The following PARN variants were observed in gnomAD, a reference collection of about 807,000 sequenced individuals.
PARN encodes poly(A)-specific ribonuclease PARN.
PARN carries 71 observed loss-of-function variants against 102.8 expected under a neutral mutation model. The ratio of observed to expected loss-of-function variants is 0.69; its 90% CI spans 0.57 to 0.84. The LOEUF is 0.84. Among genes scored for constraint, PARN ranks in the 40% least tolerant of loss-of-function variants. The pLI, the probability that PARN is intolerant of heterozygous loss-of-function variation, is 0.00. For synonymous variants in PARN, 261 were observed against 252.9 expected (o/e 1.03, Z -0.30); for missense variants, 782 against 760.9 (o/e 1.03, Z -0.33).
rs558597437 is a variant in PARN at position 14,497,735 on chromosome 16, G to A, written c.1481-14908C>T. ...TGTATAAGCTAATATAGGAGCTGCT[G>A]GGCTGCACTATTTACACTTTCATTA... On this transcript the variant is annotated intron_variant, in intron 21 of 23. Transcript: ENST00000437198. Among the ~76,000 whole-genome samples the A allele has an allele frequency of 1.5e-4, 22 of 149,258 alleles. No homozygotes were observed. The South Asian group carries it at 4.6e-3, about 31-fold the overall frequency.
intron 12 of PARN, among the ~76,000 whole-genome samples, chr16:14,595,943 G>T (rs1455468139): frequency 1.3e-5 from 2 of 152,084 alleles, no homozygotes; most frequent in African/African-American, 4.8e-5. Flanking sequence ...GGATTACAGG[G>T]TTGAGCCACC....
chr16:14,539,029 A>T (rs1966738527), intron 21 of PARN, among the ~76,000 whole-genome samples: 1 of 152,172 alleles, frequency 6.6e-6, no homozygotes, highest in Admixed American at 6.5e-5. Flanking sequence ...GCTCCCAATG[A>T]TTCTACATTA....
chr16:14,474,212 C>G (rs1962914280), intron 22 of PARN, among the ~76,000 whole-genome samples: 1 of 152,000 alleles, frequency 6.6e-6, no homozygotes, highest in African/African-American at 2.4e-5. Context: ...GTCATGTTGC[C>G]CAGGCTGGTC....
At position 14,502,422 on chromosome 16, in the gene PARN, T is replaced by G. The variant is rs569538388; in HGVS notation, c.1481-19595A>C. 3.9e-5 allele frequency among the ~76,000 whole-genome samples: 6 copies of G among 152,260 alleles called. No individual in the cohort carries two copies. The South Asian group carries it at 1.2e-3, about 32-fold the overall frequency. On this transcript the variant is annotated intron_variant, in intron 21 of 23. Coordinates refer to ENST00000437198, the MANE Select transcript of PARN (RefSeq NM_002582.4). ...AGCACCATGTTATTAAACACACATG[T>G]ACACACATGTGTGAACACACATGGT...
rs1967331642 is a variant in PARN, at chr16:14,551,955, A to G, written c.1480+66T>C. 8.3e-6 allele frequency: 8 copies of G among 966,620 alleles called. No individual in the cohort carries two copies. The South Asian group carries it at 1.1e-4, about 13-fold the overall frequency. 59.9% of individuals were successfully genotyped at this position (966,620 alleles called of 1,614,324 possible). A position where few individuals can be genotyped will look rare whatever the true frequency, so the allele number is the denominator to read the frequency against. ...GACTGAGCCCATAGCTTTTAAATTA[A>G]GGGGGCAGTGGGAGGGCAACCTCTC... On this transcript the variant is annotated intron_variant, in intron 21 of 23. Coordinates refer to ENST00000437198, the MANE Select transcript of PARN (RefSeq NM_002582.4).
chr16:14,447,531 T>C (rs1220208983), intron 22 of PARN, among the ~76,000 whole-genome samples: 1 of 152,260 alleles, frequency 6.6e-6, no homozygotes, highest in Non-Finnish European at 1.5e-5. Context: ...CAGTCTGCTA[T>C]CCCACTGCTT....
intron 23 of PARN, among the ~76,000 whole-genome samples, chr16:14,442,397 A>C (rs1388303760): frequency 2.0e-5 from 3 of 152,172 alleles, no homozygotes; most frequent in Non-Finnish European, 4.4e-5. Context: ...TGTACCTAGA[A>C]CTGCTTGGAT....
At chr16:14,566,193 T>C (rs1347170510) in intron 18 of PARN, among the ~76,000 whole-genome samples, 1 of 152,186 alleles carries the variant, frequency 6.6e-6, no homozygotes, top group Non-Finnish European at 1.5e-5. Flanking sequence ...TTAGTAGATG[T>C]TATTATATTA....
At chr16:14,622,708 G>A (rs58204373) in intron 5 of PARN, among the ~76,000 whole-genome samples, 3 of 152,156 alleles carry the variant, frequency 2.0e-5, no homozygotes, top group Admixed American at 6.5e-5. Flanking sequence ...GGGTTTCACC[G>A]TGTTAGCCAG....
chr16:14,587,953 A>G (rs1017171695), intron 13 of PARN, among the ~76,000 whole-genome samples: 1 of 152,254 alleles, frequency 6.6e-6, no homozygotes, highest in African/African-American at 2.4e-5. Context: ...GTGTTATGTT[A>G]CGCACTTACA....
intron 13 of PARN, chr16:14,592,095 T>C (rs568475949): frequency 2.0e-5 from 3 of 151,746 alleles, no homozygotes; most frequent in Non-Finnish European, 4.4e-5. Context: ...CGTCAGAATT[T>C]TGGAAATGAC....
At chr16:14,475,997 G>A (rs1963027199) in intron 22 of PARN, among the ~76,000 whole-genome samples, 1 of 152,182 alleles carries the variant, frequency 6.6e-6, no homozygotes, top group African/African-American at 2.4e-5. Context: ...GAAATATACT[G>A]TTAAGAGTCT....
chr16:14,630,223 C>A lies in PARN; in HGVS notation c.-98G>T. The A allele has an allele frequency of 1.8e-6, 2 of 1,112,938 alleles. No individual in the cohort carries two copies. The highest frequency in any genetic ancestry group is 1.4e-5 in the South Asian group (1 of 70,014). 68.9% of individuals were successfully genotyped at this position (1,112,938 alleles called of 1,614,324 possible). On this transcript the variant is annotated 5_prime_UTR_variant, in exon 1 of 24. Transcript: ENST00000437198. Reference sequence around the variant, plus strand: ...GCGGCGACTGCGGCAGTAGCTGAGGCAGCCGCAGCGGTGACGCCGGCCGCG... The same window carrying A: ...GCGGCGACTGCGGCAGTAGCTGAGGAAGCCGCAGCGGTGACGCCGGCCGCG...
intron 7 of PARN, among the ~76,000 whole-genome samples, chr16:14,610,016 A>G (rs1212512710): frequency 6.6e-6 from 1 of 152,152 alleles, no homozygotes; most frequent in Non-Finnish European, 1.5e-5. Context: ...GTTTGACACC[A>G]GCCTGGGAAA....
chr16:14,502,694 C>T (rs970056920), intron 21 of PARN, among the ~76,000 whole-genome samples: 1 of 152,198 alleles, frequency 6.6e-6, no homozygotes, highest in South Asian at 2.1e-4. Flanking sequence ...AGCAAATATA[C>T]GATCTAAGCC....
intron 18 of PARN, among the ~76,000 whole-genome samples, chr16:14,563,938 T>C (rs1968267216): frequency 6.6e-6 from 1 of 152,196 alleles, no homozygotes; most frequent in Admixed American, 6.5e-5. Flanking sequence ...TATCATGGCC[T>C]GTTCAGCCTC....
intron 21 of PARN, among the ~76,000 whole-genome samples, chr16:14,514,687 A>T (rs546015179): frequency 1.6e-4 from 25 of 152,348 alleles, no homozygotes; most frequent in African/African-American, 5.8e-4. Flanking sequence ...AGGTTACCTT[A>T]TGGCTATGAA....
chr16:14,544,768 G>C (rs1359178025), intron 21 of PARN, among the ~76,000 whole-genome samples: 1 of 152,036 alleles, frequency 6.6e-6, no homozygotes, highest in Non-Finnish European at 1.5e-5. Flanking sequence ...TAATAATACA[G>C]CCACAAAATA....
Position 14,541,141 on chromosome 16 carries a change from AG to A in PARN, c.1480+10879del, listed in dbSNP as rs150009225. ...CATCTTTTTTTTTTTTTTTTTTTAA[AG>A]CACAGGTTTTGAATGCTACATGCAG... On this transcript the variant is annotated intron_variant, in intron 21 of 23. Transcript: ENST00000437198. Among the ~76,000 whole-genome samples, 455 of 117,248 alleles carry A rather than the reference AG, an allele frequency of 3.9e-3. 11 individuals are homozygous for A. Among genetic ancestry groups the A allele is most frequent in the South Asian group, 0.016 (62 of 3,950 alleles). The allele number at this position is 117,248 out of a possible 152,430, so 76.9% of individuals were successfully genotyped here. A position where few individuals can be genotyped will look rare whatever the true frequency, so the allele number is the denominator to read the frequency against.
Sources: allele counts gnomAD v4.1 joint callset (sites outside exome capture counted in the v4.1 genomes callset), GRCh38; gene constraint gnomAD v4.1.1; transcripts MANE v1.5; gene names NCBI Gene and HGNC (gene_info 2026-07-23, HGNC 2026-07-21).